The following EYS variants were observed in gnomAD, a reference collection of about 807,000 sequenced individuals.
EYS encodes EGF-like photoreceptor maintenance factor, also known as protein eyes shut homolog.
EYS carries 250 observed loss-of-function variants against 282.1 expected under a neutral mutation model. The ratio of observed to expected loss-of-function variants is 0.89; its 90% CI spans 0.80 to 0.98. The LOEUF is 0.98. Among genes scored for constraint, EYS ranks in the 50% least tolerant of loss-of-function variants. EYS has a pLI of 0.00. For missense variants in EYS, 4,016 were observed against 3,709.0 expected, an observed-to-expected ratio of 1.08 and a Z score of -2.15; for synonymous variants, 1,355 against 1,282.9, an observed-to-expected ratio of 1.06 and a Z score of -1.20.
At chr6:63,878,757 G>A (rs1047028973) in intron 35 of EYS, among the ~76,000 whole-genome samples, 1 of 152,220 alleles carries the variant, frequency 6.6e-6, no homozygotes, top group Admixed American at 6.5e-5. Flanking sequence ...AGGCTCTATG[G>A]GTGTGGGACC....
intron 14 of EYS, among the ~76,000 whole-genome samples, chr6:64,961,124 G>A (rs574582522): frequency 4.7e-4 from 72 of 152,240 alleles, no homozygotes; most frequent in African/African-American, 1.6e-3. Flanking sequence ...ATGTGTGCAT[G>A]TGCCTTTATA....
intron 22 of EYS, among the ~76,000 whole-genome samples, chr6:64,658,979 T>C (rs1768878202): frequency 1.3e-5 from 2 of 152,184 alleles, no homozygotes; most frequent in South Asian, 4.1e-4. Context: ...ATTGACCACA[T>C]AGTTGGAAGT....
intron 1 of EYS, among the ~76,000 whole-genome samples, chr6:65,702,813 A>G (rs567655359): frequency 6.6e-6 from 1 of 152,210 alleles, no homozygotes; most frequent in African/African-American, 2.4e-5. Context: ...GCGTGTGTGC[A>G]TAATGATGAT....
rs551884594 is a variant in EYS, at chr6:65,523,692, TA to T, written c.-332-27700del. Among the ~76,000 whole-genome samples, 536 of 152,180 alleles carry T rather than the reference TA, an allele frequency of 3.5e-3. 3 individuals carry two copies. The highest frequency in any genetic ancestry group is 3.5e-3 in the Non-Finnish European group (239 of 68,006). On this transcript the variant is annotated intron_variant, in intron 2 of 42. Transcript: ENST00000503581. ...CAATTTTATTAAAAATAACTTTTTTTAAAAAAAAGTTTAAATGTTTATATAC... is the reference window on the plus strand; with the variant it reads ...CAATTTTATTAAAAATAACTTTTTTTAAAAAAAGTTTAAATGTTTATATAC...
At chr6:65,330,563 T>C (rs1433838068) in intron 11 of EYS, 4 of 981,142 alleles carry the variant, frequency 4.1e-6, no homozygotes, top group Non-Finnish European at 4.8e-6. Context: ...TGCAGACCTG[T>C]TTGCAATACA....
intron 12 of EYS, among the ~76,000 whole-genome samples, chr6:65,274,849 A>G (rs559507192): frequency 1.3e-5 from 2 of 152,174 alleles, no homozygotes; most frequent in African/African-American, 4.8e-5. Flanking sequence ...CTGTCAAGAT[A>G]TCATTTCTGA....
intron 30 of EYS, among the ~76,000 whole-genome samples, chr6:64,252,626 G>T (rs908950682): frequency 6.6e-6 from 1 of 152,144 alleles, no homozygotes; most frequent in Non-Finnish European, 1.5e-5. Context: ...CTCTTGAGGA[G>T]TCTCATGTCT....
chr6:65,206,717 A>G (rs1462440539), intron 12 of EYS, among the ~76,000 whole-genome samples: 1 of 151,890 alleles, frequency 6.6e-6, no homozygotes, highest in Non-Finnish European at 1.5e-5. Context: ...AGGGCAATTC[A>G]ACATTTGCAA....
intron 29 of EYS, among the ~76,000 whole-genome samples, chr6:64,329,292 T>C (rs1004224465): frequency 2.0e-5 from 3 of 152,170 alleles, no homozygotes; most frequent in African/African-American, 7.2e-5. Flanking sequence ...CCAACATGAA[T>C]TTTTATATTT....
chr6:65,524,058 G>C (rs913840086), intron 2 of EYS, among the ~76,000 whole-genome samples: 1 of 152,168 alleles, frequency 6.6e-6, no homozygotes, highest in Non-Finnish European at 1.5e-5. Flanking sequence ...TTTTAGTAGA[G>C]ACGGGGTTTC....
At chr6:65,107,682 T>TG (rs913911729) in intron 12 of EYS, among the ~76,000 whole-genome samples, 33 of 151,634 alleles carry the variant, frequency 2.2e-4, no homozygotes, top group Non-Finnish European at 3.4e-4. Flanking sequence ...GGGTGTTTTT[T>TG]TTTGTTTGTT....
intron 32 of EYS, among the ~76,000 whole-genome samples, chr6:64,079,151 A>C (rs1377231765): frequency 6.6e-6 from 1 of 151,934 alleles, no homozygotes; most frequent in Non-Finnish European, 1.5e-5. Flanking sequence ...TCCAAATTTC[A>C]TGGTCATCTA....
intron 11 of EYS, among the ~76,000 whole-genome samples, chr6:65,299,556 T>C (rs977712006): frequency 3.3e-5 from 5 of 152,072 alleles, no homozygotes; most frequent in African/African-American, 1.2e-4. Flanking sequence ...TTAAATTTAT[T>C]TCCAAGTTTT....
At chr6:64,884,079 T>C (rs12661424) in intron 19 of EYS, among the ~76,000 whole-genome samples, 5,707 of 151,604 alleles carry the variant, frequency 0.038, 193 homozygotes, top group East Asian at 0.16. Context: ...TGTGTACATA[T>C]TATTTAATGT....
intron 26 of EYS, among the ~76,000 whole-genome samples, chr6:64,515,632 C>CAT (rs2150522151): frequency 6.6e-6 from 1 of 151,272 alleles, no homozygotes; most frequent in Admixed American, 6.6e-5. Flanking sequence ...GCATGAGATA[C>CAT]ATATATATAT....
In EYS at chr6:65,416,172, A is replaced by G. The variant is rs151055795; in HGVS notation, c.863-10805T>C. Among the ~76,000 whole-genome samples, 1,159 of 152,046 alleles carry G rather than the reference A, an allele frequency of 7.6e-3. 10 individuals are homozygous for G. The highest frequency in any genetic ancestry group is 0.017 in the Admixed American group (263 of 15,220). Reference sequence around the variant, plus strand: ...AAAAACCAACAGAATTTGGAATCCTAGAAGGAACAAATTTGAAAAATGAGA... The same window carrying G: ...AAAAACCAACAGAATTTGGAATCCTGGAAGGAACAAATTTGAAAAATGAGA... On this transcript the variant is annotated intron_variant, in intron 5 of 42. Coordinates refer to ENST00000503581, the MANE Select transcript of EYS (RefSeq NM_001142800.2).
At chr6:64,942,589 C>T (rs892291070) in intron 15 of EYS, among the ~76,000 whole-genome samples, 12 of 150,914 alleles carry the variant, frequency 8.0e-5, no homozygotes, top group African/African-American at 2.4e-4. Context: ...CTTATGAACA[C>T]CTCCATACAC....
chr6:64,949,630 C>A (rs1769415174), intron 14 of EYS, among the ~76,000 whole-genome samples: 3 of 151,848 alleles, frequency 2.0e-5, no homozygotes, highest in Non-Finnish European at 4.4e-5. Flanking sequence ...ACTGTAAAAT[C>A]TCTTTCTACA....
At chr6:64,055,266 T>TC (rs1356981199) in intron 33 of EYS, among the ~76,000 whole-genome samples, 1 of 152,152 alleles carries the variant, frequency 6.6e-6, no homozygotes, top group African/African-American at 2.4e-5. Context: ...AGCATTTTTT[T>TC]TTCTAGTCCT....
Sources: allele counts gnomAD v4.1 joint callset (sites outside exome capture counted in the v4.1 genomes callset), GRCh38; gene constraint gnomAD v4.1.1; transcripts MANE v1.5; gene names NCBI Gene and HGNC (gene_info 2026-07-23, HGNC 2026-07-21).